The following PTPRD variants were observed in gnomAD, a reference collection of about 807,000 sequenced individuals.
The protein encoded by PTPRD is receptor-type tyrosine-protein phosphatase delta.
PTPRD carries 34 observed loss-of-function variants against 214.5 expected under a neutral mutation model. The observed-to-expected ratio is 0.16, with a 90% CI of 0.12 to 0.21. PTPRD has a LOEUF of 0.21. Among genes scored for constraint, PTPRD ranks in the 10% least tolerant of loss-of-function variants. PTPRD has a pLI of 1.00. For missense variants in PTPRD, 2,545 were observed against 2,398.7 expected, an observed-to-expected ratio of 1.06 and a Z score of -1.27; for synonymous variants, 1,128 against 845.7, an observed-to-expected ratio of 1.33 and a Z score of -5.79.
At chr9:10,091,040 C>T (rs769605971) in intron 3 of PTPRD, among the ~76,000 whole-genome samples, 2 of 150,666 alleles carry the variant, frequency 1.3e-5, no homozygotes, top group Non-Finnish European at 3.0e-5. Context: ...TGTCATACAT[C>T]ATTTCCATAA....
chr9:10,574,324 G>T (rs2068454353), intron 2 of PTPRD, among the ~76,000 whole-genome samples: 2 of 152,012 alleles, frequency 1.3e-5, no homozygotes, highest in Admixed American at 6.6e-5. Context: ...TATCCAGGTT[G>T]TCAGGAAAGC....
At chr9:8,721,994 T>C (rs184579981) in intron 12 of PTPRD, among the ~76,000 whole-genome samples, 5 of 152,376 alleles carry the variant, frequency 3.3e-5, no homozygotes, top group East Asian at 1.9e-4. Flanking sequence ...GTTCTCAATG[T>C]TGAGAGACCA....
intron 11 of PTPRD, among the ~76,000 whole-genome samples, chr9:8,841,157 A>G (rs1380173339): frequency 6.6e-6 from 1 of 152,190 alleles, no homozygotes; most frequent in Non-Finnish European, 1.5e-5. Context: ...CAAGATTTAG[A>G]TCTGTAATTA....
chr9:10,425,383 T>C (rs953404833), intron 2 of PTPRD, among the ~76,000 whole-genome samples: 2 of 152,030 alleles, frequency 1.3e-5, no homozygotes, highest in African/African-American at 4.8e-5. Context: ...AACATTCTCA[T>C]TTTGTTCAAC....
At chr9:8,675,437 T>G (rs1201045069) in intron 12 of PTPRD, among the ~76,000 whole-genome samples, 1 of 136,258 alleles carries the variant, frequency 7.3e-6, no homozygotes, top group Non-Finnish European at 1.5e-5. Flanking sequence ...ACCCCACTCC[T>G]CCCCCTCCTA....
chr9:8,502,937 C>A (rs2097444852), intron 23 of PTPRD, among the ~76,000 whole-genome samples: 1 of 151,640 alleles, frequency 6.6e-6, no homozygotes, highest in Non-Finnish European at 1.5e-5. Context: ...TGTAACATTT[C>A]TCTTAATTAA....
intron 2 of PTPRD, among the ~76,000 whole-genome samples, chr9:10,492,507 T>C (rs1220093012): frequency 6.6e-6 from 1 of 152,188 alleles, no homozygotes; most frequent in Non-Finnish European, 1.5e-5. Context: ...CACATAAATG[T>C]CTTTTTTTGA....
chr9:9,484,929 G>A (rs1158257516), intron 8 of PTPRD, among the ~76,000 whole-genome samples: 1 of 152,108 alleles, frequency 6.6e-6, no homozygotes, highest in Non-Finnish European at 1.5e-5. Flanking sequence ...CAATGCATTG[G>A]AAATTGAAAG....
intron 9 of PTPRD, among the ~76,000 whole-genome samples, chr9:9,268,262 C>T (rs760347217): frequency 2.7e-4 from 41 of 150,860 alleles, no homozygotes; most frequent in Non-Finnish European, 5.6e-4. Context: ...ATCCTATTTA[C>T]AACAGCATTA....
At chr9:9,440,587 G>C (rs1490441843) in intron 8 of PTPRD, among the ~76,000 whole-genome samples, 1 of 152,172 alleles carries the variant, frequency 6.6e-6, no homozygotes, top group Non-Finnish European at 1.5e-5. Flanking sequence ...ATCTTTAAAA[G>C]TCTCCAAGGA....
chr9:9,050,358 C>T (rs573755939), intron 10 of PTPRD, among the ~76,000 whole-genome samples: 22 of 152,234 alleles, frequency 1.4e-4, no homozygotes, highest in South Asian at 4.1e-4. Context: ...ATGGAGAAAA[C>T]GATAGGGCAT....
At position 9,499,190 on chromosome 9, in the gene PTPRD, T is replaced by G. The variant is rs558546107; in HGVS notation, c.-237+75542A>C. ...GACATTCAGATAGTAGAATATATAT[T>G]TTTCATCATGTTGATAAAAACATTG... On this transcript the variant is annotated intron_variant, in intron 8 of 45. Coordinates refer to ENST00000381196, the MANE Select transcript of PTPRD (RefSeq NM_002839.4). Among the ~76,000 whole-genome samples, 46 of 152,216 alleles carry G rather than the reference T, an allele frequency of 3.0e-4. 1 individual carries two copies. In the South Asian group the frequency reaches 9.3e-3, roughly 31 times the overall value.
chr9:10,201,110 G>A (rs968633410), intron 3 of PTPRD, among the ~76,000 whole-genome samples: 2 of 151,934 alleles, frequency 1.3e-5, no homozygotes, highest in Non-Finnish European at 2.9e-5. Context: ...TACGGAAAAT[G>A]GCACATCTGA....
chr9:8,448,426 T>C (rs1323587), intron 34 of PTPRD, among the ~76,000 whole-genome samples: 147,348 of 152,278 alleles, frequency 0.97, 71,338 homozygotes, highest in African/African-American at 0.99. Context: ...GCTGACCCAA[T>C]GAAATTTACT....
chr9:9,654,161 C>A (rs10977914), intron 7 of PTPRD, among the ~76,000 whole-genome samples: 21,617 of 151,854 alleles, frequency 0.14, 2,073 homozygotes, highest in African/African-American at 0.27. Flanking sequence ...GTTTCTTTGC[C>A]GTATAATGTA....
chr9:10,193,904 T>C (rs2099385398), intron 3 of PTPRD, among the ~76,000 whole-genome samples: 1 of 152,146 alleles, frequency 6.6e-6, no homozygotes, highest in Non-Finnish European at 1.5e-5. Flanking sequence ...CATGCTTTGT[T>C]AGATGCTCCG....
intron 9 of PTPRD, among the ~76,000 whole-genome samples, chr9:9,205,137 TA>T (rs979776956): frequency 2.0e-5 from 3 of 152,198 alleles, no homozygotes; most frequent in East Asian, 1.9e-4. Context: ...ATCACTTATT[TA>T]AAAAAAATCT....
At chr9:10,425,978 T>C (rs2098610289) in intron 2 of PTPRD, among the ~76,000 whole-genome samples, 1 of 151,928 alleles carries the variant, frequency 6.6e-6, no homozygotes, top group Non-Finnish European at 1.5e-5. Context: ...CACATACACA[T>C]ATGAATATAT....
intron 5 of PTPRD, among the ~76,000 whole-genome samples, chr9:9,934,267 T>C (rs1223413388): frequency 6.7e-6 from 1 of 149,636 alleles, no homozygotes; most frequent in Non-Finnish European, 1.5e-5. Context: ...AAAAAACCCT[T>C]CAAAAAAATC....
Sources: allele counts gnomAD v4.1 joint callset (sites outside exome capture counted in the v4.1 genomes callset), GRCh38; gene constraint gnomAD v4.1.1; transcripts MANE v1.5; gene names NCBI Gene and HGNC (gene_info 2026-07-23, HGNC 2026-07-21).